The following PAPOLG variants were observed in gnomAD, a reference collection of about 807,000 sequenced individuals.
The protein encoded by PAPOLG is PAP-gamma.
PAPOLG carries 40 observed loss-of-function variants against 99.0 expected under a neutral mutation model. The observed-to-expected ratio is 0.40, with a 90% CI of 0.31 to 0.53. The LOEUF (loss-of-function observed/expected upper bound fraction) is 0.53. Ranked by LOEUF, PAPOLG falls within the 20% of genes least tolerant of loss-of-function variation. The pLI is 0.41. For missense variants in PAPOLG, 675 were observed against 884.1 expected (o/e 0.76, Z 3.00); for synonymous variants, 310 against 299.3 (o/e 1.04, Z -0.37).
At chr2:60,767,019 A>C (rs899941579) in intron 3 of PAPOLG, among the ~76,000 whole-genome samples, 5 of 152,206 alleles carry the variant, frequency 3.3e-5, no homozygotes, top group African/African-American at 1.2e-4. Context: ...GAAAGAGAAA[A>C]GGAAGATTAA....
At chr2:60,790,513 A>C (rs1223286513) in intron 15 of PAPOLG, among the ~76,000 whole-genome samples, 1 of 152,332 alleles carries the variant, frequency 6.6e-6, no homozygotes, top group East Asian at 1.9e-4. Flanking sequence ...CATTGGGTAT[A>C]TTTACAATTA....
At position 60,775,130 on chromosome 2, in the gene PAPOLG, A is replaced by T. The variant is rs764871855; in HGVS notation, c.694+7A>T. The T allele has an allele frequency of 6.2e-7, 1 of 1,604,744 alleles. No homozygotes were observed. The highest frequency in any genetic ancestry group is 8.5e-7 in the Non-Finnish European group (1 of 1,177,790). Reference sequence around the variant, plus strand: ...GTCAAATTATGGGCAAAACGTAAGTATCCCTAGTCTTTTATGTTTGCATTA... The same window carrying T: ...GTCAAATTATGGGCAAAACGTAAGTTTCCCTAGTCTTTTATGTTTGCATTA... On this transcript the variant is annotated splice_region_variant and intron_variant, in intron 8 of 21. Transcript: ENST00000238714.
chr2:60,796,955 G>A (rs1175135996), intron 21 of PAPOLG, 107 bp from the exon 22 acceptor site: 2 of 1,413,262 alleles, frequency 1.4e-6, no homozygotes, highest in South Asian at 2.6e-5. Flanking sequence ...AGGAGCTAGA[G>A]GGTTTGGGAG....
chr2:60,786,331 A>G (rs900631235), intron 13 of PAPOLG, among the ~76,000 whole-genome samples: 3 of 141,860 alleles, frequency 2.1e-5, no homozygotes, highest in Non-Finnish European at 1.5e-5. Context: ...CCCAGCTTCA[A>G]GCAATTCTCG....
At chr2:60,796,176 A>G (rs1441813700) in intron 21 of PAPOLG, among the ~76,000 whole-genome samples, 2 of 134,312 alleles carry the variant, frequency 1.5e-5, no homozygotes, top group Non-Finnish European at 3.2e-5. Flanking sequence ...ACAAGAAACT[A>G]TCCCCATTAC....
chr2:60,781,291 A>C (rs1671182337), intron 10 of PAPOLG, among the ~76,000 whole-genome samples: 1 of 152,228 alleles, frequency 6.6e-6, no homozygotes, highest in East Asian at 1.9e-4. Flanking sequence ...CCAGAGGCAC[A>C]GGTTGCAGTG....
Position 60,793,625 on chromosome 2 carries a change from AGGAAT to A in PAPOLG, c.1680-1_1683del. ...TTGATGATAATTTAACACTTTCATTAGGAATAGTGCTGAGCCTGCTGCTGTAATTG... is the reference window on the plus strand; with the variant it reads ...TTGATGATAATTTAACACTTTCATTAAGTGCTGAGCCTGCTGCTGTAATTG... On this transcript the variant is annotated splice_acceptor_variant and coding_sequence_variant, in exon 18 of 22. Coordinates refer to ENST00000238714, the MANE Select transcript of PAPOLG (RefSeq NM_022894.4). LOFTEE classifies it high-confidence loss of function. 6.2e-7 allele frequency: 1 copy of A among 1,612,968 alleles called. No homozygotes were observed. Among genetic ancestry groups the A allele is most frequent in the Non-Finnish European group, 8.5e-7 (1 of 1,179,450 alleles).
intron 7 of PAPOLG, among the ~76,000 whole-genome samples, chr2:60,774,511 G>T (rs1169069621): frequency 6.6e-6 from 1 of 151,898 alleles, no homozygotes; most frequent in Non-Finnish European, 1.5e-5. Context: ...GAATATAGAT[G>T]CCCACCACCA....
chr2:60,789,822 G>T (rs1671476073), intron 15 of PAPOLG, among the ~76,000 whole-genome samples: 1 of 152,176 alleles, frequency 6.6e-6, no homozygotes. Context: ...GGGCGTGGTG[G>T]CTCACGCCTG....
intron 10 of PAPOLG, 142 bp downstream of exon 10, chr2:60,780,921 TTTTTG>T (rs1671169541): frequency 1.0e-5 from 7 of 685,908 alleles, no homozygotes; most frequent in South Asian, 1.9e-5. Context: ...TCTGCTGTGG[TTTTTG>T]TTTTGTTTTT....
chr2:60,786,974 T>C lies in PAPOLG; in HGVS notation c.1194T>C (p.Arg398=). 6.2e-7 allele frequency: 1 copy of C among 1,611,984 alleles called. No homozygotes were observed. ...TTGGATTAGTAGAATCTAAAATCCGTGTACTTGTTGGAAACTTGGAACGGA... is the reference window on the plus strand; with the variant it reads ...TTGGATTAGTAGAATCTAAAATCCGCGTACTTGTTGGAAACTTGGAACGGA... The part of the protein sequence containing the change: ...EWVGLVESKI[R]VLVGNLERNE... The change falls in exon 14 of 22, where the codon CGT becomes CGC. Residue 398 remains arginine (R), a synonymous_variant. Coordinates refer to ENST00000238714, the MANE Select transcript of PAPOLG (RefSeq NM_022894.4).
chr2:60,764,397 A>AATTAGGT (rs2103763752), intron 3 of PAPOLG, among the ~76,000 whole-genome samples: 1 of 152,184 alleles, frequency 6.6e-6, no homozygotes, highest in African/African-American at 2.4e-5. Context: ...TGGATTTAGA[A>AATTAGGT]ATTAGGTAAA....
intron 7 of PAPOLG, among the ~76,000 whole-genome samples, chr2:60,774,286 A>G (rs542768006): frequency 1.3e-5 from 2 of 152,102 alleles, no homozygotes; most frequent in Admixed American, 6.6e-5. Context: ...AACACGGTGA[A>G]AAAAGCCTTA....
chr2:60,781,807 C>A, intron 10 of PAPOLG, 78 bp from the exon 11 acceptor site: 1 of 1,574,210 alleles, frequency 6.4e-7, no homozygotes, highest in Non-Finnish European at 8.7e-7. Context: ...ATTTCATATT[C>A]TTCAGACTTT....
intron 9 of PAPOLG, among the ~76,000 whole-genome samples, chr2:60,780,420 C>T (rs1300607691): frequency 2.0e-5 from 3 of 151,912 alleles, no homozygotes; most frequent in Admixed American, 6.6e-5. Context: ...GGACTATAAG[C>T]GTGCACCACT....
chr2:60,783,869 A>C (rs570121728), intron 13 of PAPOLG, among the ~76,000 whole-genome samples: 1 of 152,352 alleles, frequency 6.6e-6, no homozygotes, highest in South Asian at 2.1e-4. Context: ...AGCAAAAGAC[A>C]CATGTATAGA....
At chr2:60,764,965 A>T (rs1295295268) in intron 3 of PAPOLG, among the ~76,000 whole-genome samples, 1 of 152,220 alleles carries the variant, frequency 6.6e-6, no homozygotes, top group African/African-American at 2.4e-5. Flanking sequence ...TTCTGAGCAG[A>T]TGGAAATGCT....
In PAPOLG at chr2:60,756,371, C is replaced by T; in HGVS notation, c.-108C>T. The T allele has an allele frequency of 7.0e-7, 1 of 1,428,850 alleles. No individual in the cohort carries two copies. The highest frequency in any genetic ancestry group is 9.9e-7 in the Non-Finnish European group (1 of 1,013,562). The allele number at this position is 1,428,850 out of a possible 1,614,324, so 88.5% of individuals were successfully genotyped here. ...CATAGTAAGTGGGAAAGTGAGCGAG[C>T]AAGCGAGCTACTAGCGACCGGAGGA... On this transcript the variant is annotated 5_prime_UTR_variant, in exon 1 of 22. Transcript: ENST00000238714.
rs760806817 is a variant in PAPOLG at position 60,794,119 on chromosome 2, G to A, written c.1917G>A (p.Lys639=). The A allele has an allele frequency of 1.9e-6, 3 of 1,614,014 alleles. No homozygotes were observed. The highest frequency in any genetic ancestry group is 2.5e-6 in the Non-Finnish European group (3 of 1,179,932). Reference sequence around the variant, plus strand: ...TGAATGGAATGTCAAATATAACTAAGACTGTTACACCTAAGAGATCCCATT... The same window carrying A: ...TGAATGGAATGTCAAATATAACTAAAACTGTTACACCTAAGAGATCCCATT... ...PHLNGMSNIT[K]TVTPKRSHSP... Residue 639 remains lysine, a synonymous_variant, in exon 19 of 22, where the codon AAG becomes AAA. Coordinates refer to ENST00000238714, the MANE Select transcript of PAPOLG (RefSeq NM_022894.4).
Sources: gnomAD v4.1 joint callset for allele counts (sites outside exome capture counted in the v4.1 genomes callset) on GRCh38, gnomAD v4.1.1 for gene constraint, MANE v1.5 for transcripts, NCBI Gene and HGNC (gene_info 2026-07-23, HGNC 2026-07-21) for gene names.